Variants in SPATA17 observed in about 807,000 individuals in gnomAD.
SPATA17 encodes spermatogenesis associated 17, also known as spermatogenesis-associated protein 17.
SPATA17 carries 53 observed loss-of-function variants against 62.2 expected under a neutral mutation model. The observed-to-expected ratio is 0.85, with a 90% CI of 0.68 to 1.07. The LOEUF is 1.07. Among genes scored for constraint, SPATA17 ranks in the 50% least tolerant of loss-of-function variants. The pLI, the probability that SPATA17 is intolerant of heterozygous loss-of-function variation, is 0.00. For missense variants in SPATA17, 466 were observed against 425.5 expected, an observed-to-expected ratio of 1.10 and a Z score of -0.84; for synonymous variants, 146 against 146.8, an observed-to-expected ratio of 0.99 and a Z score of 0.04.
intron 5 of SPATA17, among the ~76,000 whole-genome samples, chr1:217,701,404 A>T (rs1329154092): frequency 1.4e-5 from 2 of 147,414 alleles, no homozygotes; most frequent in Non-Finnish European, 3.0e-5. Context: ...TTTTCTTTTG[A>T]CATGAAGTTT....
chr1:217,805,108 C>T (rs143207932), intron 9 of SPATA17, among the ~76,000 whole-genome samples: 5 of 152,206 alleles, frequency 3.3e-5, no homozygotes, highest in African/African-American at 1.2e-4. Flanking sequence ...TTTTCAAAAT[C>T]GCCAAGATAT....
chr1:217,798,828 A>G (rs1031687977), intron 8 of SPATA17, among the ~76,000 whole-genome samples: 1 of 151,508 alleles, frequency 6.6e-6, no homozygotes, highest in Non-Finnish European at 1.5e-5. Context: ...ACCTGTACTG[A>G]TAGGAGACAA....
intron 3 of SPATA17, among the ~76,000 whole-genome samples, chr1:217,668,099 C>T (rs12407277): frequency 0.19 from 28,832 of 152,026 alleles, 3,055 homozygotes; most frequent in African/African-American, 0.29. Context: ...TGATTTTTGC[C>T]TGAAACATAA....
At chr1:217,834,086 C>G (rs530072452) in intron 9 of SPATA17, among the ~76,000 whole-genome samples, 18 of 152,168 alleles carry the variant, frequency 1.2e-4, no homozygotes, top group Admixed American at 2.6e-4. Context: ...AAGGGCAGTC[C>G]CATAAGATTA....
In SPATA17 at chr1:217,741,984, G is replaced by A. The variant is rs1672634410; in HGVS notation, c.405G>A (p.Leu135=). ...SETNDAIRKA[L]EEFAEMKERE... ...GATGGTTTTGATGCAGGAAGGCACT[G>A]GAGGAGTTTGCAGAAATGAAAGAAA... The change falls in exon 6 of 11, where the codon CTG becomes CTA. Residue 135 remains leucine, a synonymous_variant. Coordinates refer to ENST00000366933, the MANE Select transcript of SPATA17 (RefSeq NM_138796.4). The A allele has an allele frequency of 6.2e-7, 1 of 1,613,988 alleles. No individual in the cohort carries two copies. Among genetic ancestry groups the A allele is most frequent in the Non-Finnish European group, 8.5e-7 (1 of 1,179,894 alleles).
At chr1:217,806,467 TC>T (rs1461025275) in intron 9 of SPATA17, among the ~76,000 whole-genome samples, 2 of 152,078 alleles carry the variant, frequency 1.3e-5, no homozygotes, top group Non-Finnish European at 2.9e-5. Flanking sequence ...CCCTTAGGGG[TC>T]ATTCGTCCCT....
chr1:217,853,178 A>G (rs1443497639), intron 9 of SPATA17, among the ~76,000 whole-genome samples: 1 of 152,170 alleles, frequency 6.6e-6, no homozygotes, highest in Non-Finnish European at 1.5e-5. Context: ...TCTAACAAAC[A>G]TGATTATTCC....
At chr1:217,707,350 G>A (rs1389462417) in intron 5 of SPATA17, among the ~76,000 whole-genome samples, 3 of 152,158 alleles carry the variant, frequency 2.0e-5, no homozygotes, top group Non-Finnish European at 4.4e-5. Flanking sequence ...TTTTCTTGGT[G>A]TAGAATCATA....
intron 6 of SPATA17, among the ~76,000 whole-genome samples, chr1:217,754,082 A>G (rs1672980273): frequency 6.6e-6 from 1 of 152,004 alleles, no homozygotes; most frequent in Non-Finnish European, 1.5e-5. Flanking sequence ...CAAAAAAAAA[A>G]TTATCCAGGC....
chr1:217,794,831 G>A (rs1674093317), intron 8 of SPATA17, among the ~76,000 whole-genome samples: 1 of 152,112 alleles, frequency 6.6e-6, no homozygotes, highest in African/African-American at 2.4e-5. Context: ...TAGCACAATC[G>A]TTCACAAACA....
At chr1:217,665,735 C>A (rs1206966357) in intron 3 of SPATA17, among the ~76,000 whole-genome samples, 1 of 152,114 alleles carries the variant, frequency 6.6e-6, no homozygotes, top group Non-Finnish European at 1.5e-5. Context: ...TAAGTATAAC[C>A]TCTGTGGTCT....
chr1:217,718,498 C>T (rs904129066), intron 5 of SPATA17, among the ~76,000 whole-genome samples: 5 of 152,164 alleles, frequency 3.3e-5, no homozygotes, highest in Non-Finnish European at 7.3e-5. Flanking sequence ...AAGTCTTGTA[C>T]TTGAACTTAG....
intron 6 of SPATA17, among the ~76,000 whole-genome samples, chr1:217,759,873 G>C (rs914050087): frequency 2.0e-5 from 3 of 152,186 alleles, no homozygotes; most frequent in African/African-American, 7.2e-5. Context: ...ATCAATAGTT[G>C]CTTGATCCAA....
At chr1:217,709,747 T>C (rs1671815602) in intron 5 of SPATA17, among the ~76,000 whole-genome samples, 1 of 152,190 alleles carries the variant, frequency 6.6e-6, no homozygotes, top group South Asian at 2.1e-4. Context: ...GATGCACATA[T>C]TGTATTTCAA....
At chr1:217,731,538 C>G (rs1672402647) in intron 5 of SPATA17, among the ~76,000 whole-genome samples, 1 of 152,164 alleles carries the variant, frequency 6.6e-6, no homozygotes, top group African/African-American at 2.4e-5. Flanking sequence ...TTTCCTAGCT[C>G]TCCTCATAAG....
intron 8 of SPATA17, among the ~76,000 whole-genome samples, chr1:217,794,313 T>C (rs1414323782): frequency 2.6e-5 from 4 of 152,152 alleles, no homozygotes; most frequent in South Asian, 2.1e-4. Context: ...TAGTCTTCTG[T>C]TTAAAAATCG....
At chr1:217,762,598 G>A (rs2102964070) in intron 6 of SPATA17, among the ~76,000 whole-genome samples, 1 of 152,298 alleles carries the variant, frequency 6.6e-6, no homozygotes, top group Non-Finnish European at 1.5e-5. Context: ...GGTCACGATA[G>A]ATTGTCTACT....
intron 8 of SPATA17, among the ~76,000 whole-genome samples, chr1:217,793,756 G>C (rs1365164496): frequency 6.6e-6 from 1 of 152,102 alleles, no homozygotes; most frequent in Non-Finnish European, 1.5e-5. Context: ...GAGCGATTGT[G>C]CAAATAAAAG....
At chr1:217,741,553 ATTAG>A (rs939002052) in intron 5 of SPATA17, among the ~76,000 whole-genome samples, 9 of 152,338 alleles carry the variant, frequency 5.9e-5, no homozygotes, top group South Asian at 2.1e-4. Context: ...AAATTAGGCC[ATTAG>A]TTAGTAGGCA....
Sources: allele counts gnomAD v4.1 joint callset (sites outside exome capture counted in the v4.1 genomes callset), GRCh38; gene constraint gnomAD v4.1.1; transcripts MANE v1.5; gene names NCBI Gene and HGNC (gene_info 2026-07-23, HGNC 2026-07-21).